The following HOMER2 variants were observed in gnomAD, a reference collection of about 807,000 sequenced individuals.
The protein encoded by HOMER2 is homer scaffold protein 2.
HOMER2 carries 27 observed loss-of-function variants against 47.0 expected under a neutral mutation model. The ratio of observed to expected loss-of-function variants is 0.57; its 90% confidence interval spans 0.42 to 0.79. HOMER2 has a LOEUF of 0.79. Ranked by LOEUF, HOMER2 falls within the 30% of genes least tolerant of loss-of-function variation. The pLI is 0.00. For synonymous variants in HOMER2, 161 were observed against 163.8 expected (o/e 0.98, Z 0.13); for missense variants, 443 against 435.0 (o/e 1.02, Z -0.16).
upstream of HOMER2, among the ~76,000 whole-genome samples, chr15:82,955,937 A>G (rs2054583437): frequency 1.3e-5 from 2 of 152,128 alleles, no homozygotes; most frequent in African/African-American, 4.8e-5. Context: ...TGTTGAAGAG[A>G]CATTTAAAAA....
chr15:82,969,295 A>C (rs1012510985), intron 1 of HOMER2, among the ~76,000 whole-genome samples: 1 of 152,232 alleles, frequency 6.6e-6, no homozygotes, highest in Non-Finnish European at 1.5e-5. Context: ...AACGCTGTAC[A>C]CAGATAAACC....
chr15:82,936,470 T>C (rs1449003540), intron 1 of HOMER2, among the ~76,000 whole-genome samples: 1 of 152,218 alleles, frequency 6.6e-6, no homozygotes, highest in Non-Finnish European at 1.5e-5. Flanking sequence ...AATGATACTA[T>C]TTTTGGTATA....
chr15:82,899,381 C>T (rs1323437131), intron 1 of HOMER2, among the ~76,000 whole-genome samples: 1 of 152,180 alleles, frequency 6.6e-6, no homozygotes, highest in Non-Finnish European at 1.5e-5. Context: ...CTCATCTGGC[C>T]CCTGACCCAC....
chr15:82,952,731 G>A, upstream of HOMER2: 1 of 980,136 alleles, frequency 1.0e-6, no homozygotes, highest in Non-Finnish European at 1.2e-6. Context: ...GGGCGGGCGG[G>A]GGCTGGGCGG....
At chr15:82,858,657 C>T (rs975683215) in intron 5 of HOMER2, among the ~76,000 whole-genome samples, 1 of 152,088 alleles carries the variant, frequency 6.6e-6, no homozygotes, top group Non-Finnish European at 1.5e-5. Context: ...AAACAAAGCA[C>T]AAGCACAGGG....
At position 82,849,736 on chromosome 15, in the gene HOMER2, G is replaced by T. The variant is rs2051326652; in HGVS notation, c.1011C>A (p.Ser337=). The change falls in exon 9 of 9, where the codon TCC becomes TCA. Residue 337 remains serine (S), a synonymous_variant. Coordinates refer to ENST00000450735, the MANE Select transcript of HOMER2 (RefSeq NM_004839.4). Reference sequence around the variant, plus strand: ...AGCCCTAGTTATCGGTGCCCAGCTTGGAGAGCCCTCGGCGGAAGTCATGCA... The same window carrying T: ...AGCCCTAGTTATCGGTGCCCAGCTTTGAGAGCCCTCGGCGGAAGTCATGCA... ...DDLHDFRRGL[S]KLGTDN 1.2e-6 allele frequency: 2 copies of T among 1,613,532 alleles called. No individual in the cohort carries two copies. The highest frequency in any genetic ancestry group is 1.7e-6 in the Non-Finnish European group (2 of 1,179,776).
chr15:82,965,915 C>T (rs1396463617), intron 1 of HOMER2, among the ~76,000 whole-genome samples: 5 of 151,948 alleles, frequency 3.3e-5, no homozygotes, highest in South Asian at 4.2e-4. Context: ...GGCAATATGG[C>T]GAAACCCATC....
rs186981593 is a variant in HOMER2, at chr15:82,897,215, G to A, written c.6-4374C>T. 6.1e-3 allele frequency among the ~76,000 whole-genome samples: 934 copies of A among 151,960 alleles called. 10 individuals are homozygous for A. Among genetic ancestry groups the A allele is most frequent in the Non-Finnish European group, 6.3e-3 (428 of 67,944 alleles). ...CAAGTAGCTGGGATTACAGGCGCCT[G>A]CCACCACGCCCAGCTAATTTTTGTA... On this transcript the variant is annotated intron_variant, in intron 1 of 8. Coordinates refer to ENST00000450735, the MANE Select transcript of HOMER2 (RefSeq NM_004839.4).
At position 82,984,507 on chromosome 15, in the gene HOMER2, T is replaced by G. The variant is rs376833782; in HGVS notation, n.82+1280A>C. 1.4e-4 allele frequency among the ~76,000 whole-genome samples: 22 copies of G among 152,326 alleles called. No individual in the cohort carries two copies. In the East Asian group the frequency reaches 3.5e-3, roughly 24 times the overall value. Reference sequence around the variant, plus strand: ...ATTCATTCCACAAACATTTATTCAGTGCTAACGTCATGGAAAAAGCACAAT... The same window carrying G: ...ATTCATTCCACAAACATTTATTCAGGGCTAACGTCATGGAAAAAGCACAAT... On this transcript the variant is annotated intron_variant and non_coding_transcript_variant, in intron 1 of 1. Coordinates refer to the HOMER2 transcript ENST00000500334.
intron 1 of HOMER2, among the ~76,000 whole-genome samples, chr15:82,985,282 GGATCAGCTA>G (rs570434450): frequency 1.3e-3 from 199 of 152,296 alleles, no homozygotes; most frequent in African/African-American, 4.5e-3. Context: ...GAGAGCCATT[GGATCAGCTA>G]TTTTGGATCA....
rs2054532733 is a variant in HOMER2 at position 82,952,608 on chromosome 15, C to T, written c.-73G>A. On this transcript the variant is annotated 5_prime_UTR_variant, in exon 1 of 9. Transcript: ENST00000450735. ...CTCTCCGCCCGCTCGGCAGCCGCTCCCCGCGCGGCACATGCGGCGGCCCGT... is the reference window on the plus strand; with the variant it reads ...CTCTCCGCCCGCTCGGCAGCCGCTCTCCGCGCGGCACATGCGGCGGCCCGT... The T allele has an allele frequency of 4.6e-6, 5 of 1,097,918 alleles. No individual in the cohort carries two copies. The highest frequency in any genetic ancestry group is 5.5e-6 in the Non-Finnish European group (5 of 903,410). The allele number at this position is 1,097,918 out of a possible 1,614,324, so 68.0% of individuals were successfully genotyped here. A position where few individuals can be genotyped will look rare whatever the true frequency, so the allele number is the denominator to read the frequency against.
At chr15:82,915,237 C>T (rs2053555739) in intron 1 of HOMER2, among the ~76,000 whole-genome samples, 1 of 151,438 alleles carries the variant, frequency 6.6e-6, no homozygotes, top group Non-Finnish European at 1.5e-5. Context: ...GAACTCTATA[C>T]ATGTAACATG....
At chr15:82,937,892 T>TGTAAAGC in intron 1 of HOMER2, among the ~76,000 whole-genome samples, 3 of 152,300 alleles carry the variant, frequency 2.0e-5, no homozygotes, top group Non-Finnish European at 4.4e-5. Flanking sequence ...CATCTACCAG[T>TGTAAAGC]GGCCACTGGC....
At chr15:82,970,457 T>C (rs141981866) in intron 1 of HOMER2, among the ~76,000 whole-genome samples, 57 of 152,346 alleles carry the variant, frequency 3.7e-4, no homozygotes, top group African/African-American at 1.3e-3. Flanking sequence ...CAAGGCTAAA[T>C]TGGACTCCAC....
At position 82,854,714 on chromosome 15, in the gene HOMER2, G is replaced by A. The variant is rs746397962; in HGVS notation, c.581C>T (p.Ala194Val). ...CCTCTTCCACTGCTCCACACTGGCT[G>A]CCGACTCCTGCAGTGCTGTGGTCAG... ...ARLTTALQES[A>V]ASVEQWKRQF... is the part of the protein sequence containing the mutation. The change falls in exon 6 of 9, where the codon GCA becomes GTA. Residue 194 changes from alanine (A) to valine (V), a missense_variant. Coordinates refer to ENST00000450735, the MANE Select transcript of HOMER2 (RefSeq NM_004839.4). 5 of 1,612,872 alleles carry A rather than the reference G, an allele frequency of 3.1e-6. No individual in the cohort carries two copies. In the South Asian group the frequency reaches 5.5e-5, roughly 18 times the overall value.
chr15:82,846,157 A>AC (rs1159767640), downstream of HOMER2: 1 of 152,328 alleles, frequency 6.6e-6, no homozygotes, highest in Non-Finnish European at 1.5e-5. Context: ...TGGACAGGCC[A>AC]CCCCCAGCCA....
chr15:82,955,728 C>A (rs148227920), upstream of HOMER2, among the ~76,000 whole-genome samples: 520 of 152,268 alleles, frequency 3.4e-3, 7 homozygotes, highest in South Asian at 0.022. Context: ...TATATTTATT[C>A]TTTCAATAAA....
At chr15:82,957,206 G>A (rs2054594655), upstream of HOMER2, among the ~76,000 whole-genome samples, 1 of 151,950 alleles carries the variant, frequency 6.6e-6, no homozygotes, top group Non-Finnish European at 1.5e-5. Flanking sequence ...GAACCCAGGA[G>A]GCAGAGGTTG....
At chr15:82,931,605 G>A (rs559861304) in intron 1 of HOMER2, among the ~76,000 whole-genome samples, 2 of 150,996 alleles carry the variant, frequency 1.3e-5, no homozygotes, top group Non-Finnish European at 2.9e-5. Flanking sequence ...TTGGGAGGCC[G>A]AGGCAGGCAG....
Sources: gnomAD v4.1 joint callset for allele counts (sites outside exome capture counted in the v4.1 genomes callset) on GRCh38, gnomAD v4.1.1 for gene constraint, MANE v1.5 for transcripts, NCBI Gene and HGNC (gene_info 2026-07-23, HGNC 2026-07-21) for gene names.